IQSEC2: variants seen among roughly 807,000 people sequenced by gnomAD.
IQSEC2 encodes IQ motif and SEC7 domain-containing protein 2.
In IQSEC2, 6 loss-of-function variants were observed where a neutral mutation model predicts 74.6. That is an observed-to-expected ratio of 0.08 (90% CI 0.04 to 0.16). The LOEUF is 0.16. Ranked by LOEUF, IQSEC2 falls within the 10% of genes least tolerant of loss-of-function variation. The pLI is 1.00. For missense variants in IQSEC2, 734 were observed against 1,306.2 expected, an observed-to-expected ratio of 0.56 and a Z score of 6.75; for synonymous variants, 494 against 544.5, an observed-to-expected ratio of 0.91 and a Z score of 1.29.
chrX:53,262,891 G>A (rs1556866814), intron 2 of IQSEC2, among the ~76,000 whole-genome samples: 5 of 112,940 alleles, frequency 4.4e-5, no homozygotes, highest in African/African-American at 1.6e-4. Context: ...AACACTGCAA[G>A]GTTTGGGTTG....
chrX:53,256,503 C>T (rs1317437577), intron 2 of IQSEC2, among the ~76,000 whole-genome samples: 1 of 110,876 alleles, frequency 9.0e-6, no homozygotes, highest in East Asian at 2.9e-4. Context: ...CTGTGATTTC[C>T]CTCCCAGTCC....
At chrX:53,229,693 CA>C (rs1326947405), downstream of IQSEC2, 2 of 106,398 alleles carry the variant, frequency 1.9e-5, no homozygotes, top group Admixed American at 1.0e-4. Context: ...GACCCTGTCT[CA>C]AAAAAGAAAA....
At chrX:53,288,827 G>T (rs2075060444) in intron 2 of IQSEC2, among the ~76,000 whole-genome samples, 1 of 112,291 alleles carries the variant, frequency 8.9e-6, no homozygotes, top group Admixed American at 9.4e-5. Flanking sequence ...AGGCTCTGCT[G>T]CTAGCTAGCT....
intron 2 of IQSEC2, among the ~76,000 whole-genome samples, chrX:53,291,135 C>T (rs1437592145): frequency 1.8e-5 from 2 of 110,794 alleles, no homozygotes; most frequent in African/African-American, 6.6e-5. Flanking sequence ...TGAGCACCCC[C>T]ATCATTCCTA....
intron 1 of IQSEC2, among the ~76,000 whole-genome samples, chrX:53,311,964 C>T (rs1489461037): frequency 9.0e-6 from 1 of 111,390 alleles, no homozygotes; most frequent in Non-Finnish European, 1.9e-5. Context: ...CAGCAGAAAG[C>T]TCCTGACGCT....
chrX:53,248,332 A>G (rs2074338040), intron 6 of IQSEC2, 96 bp from the exon 7 acceptor site: 1 of 1,039,704 alleles, frequency 9.6e-7, no homozygotes, highest in African/African-American at 1.9e-5. Flanking sequence ...ACCCCCACTG[A>G]TAGACTCTCA....
In IQSEC2 at chrX:53,250,881, G is replaced by A. The variant is rs886044781; in HGVS notation, c.1695C>T (p.Asp565=). The part of the protein sequence containing the change: ...PPPVPSGTRE[D]GSREEGTRRG... ...TGCGAGTGCCTTCCTCACGGCTACC[G>A]TCTTCCCGGGTTCCTGATGGCACTG... Residue 565 remains aspartate (D), a synonymous_variant, in exon 5 of 15, where the codon GAC becomes GAT. Transcript: ENST00000642864. 6.6e-6 allele frequency: 8 copies of A among 1,208,496 alleles called. No individual in the cohort carries two copies. The Middle Eastern group carries it at 9.2e-4, about 139-fold the overall frequency.
At chrX:53,303,197 T>C (rs1312188352) in intron 1 of IQSEC2, among the ~76,000 whole-genome samples, 1 of 98,757 alleles carries the variant, frequency 1.0e-5, no homozygotes, top group Non-Finnish European at 2.0e-5. Flanking sequence ...AGTGAGACTC[T>C]GTCAAAAAAA....
chrX:53,262,533 C>T (rs1306724267), intron 2 of IQSEC2, among the ~76,000 whole-genome samples: 1 of 112,318 alleles, frequency 8.9e-6, no homozygotes, highest in African/African-American at 3.2e-5. Flanking sequence ...GGTCATTGCA[C>T]CTGGATGGGA....
At chrX:53,275,241 C>G (rs2074810137) in intron 2 of IQSEC2, among the ~76,000 whole-genome samples, 2 of 110,593 alleles carry the variant, frequency 1.8e-5, no homozygotes. Context: ...TCTCAGCTCA[C>G]TGCATCCTCC....
intron 1 of IQSEC2, among the ~76,000 whole-genome samples, chrX:53,312,049 A>G (rs1420466084): frequency 2.7e-5 from 3 of 111,571 alleles, no homozygotes; most frequent in Non-Finnish European, 5.7e-5. Flanking sequence ...TTTGTGCTCT[A>G]GTTTGTACTG....
At chrX:53,248,023 G>C in intron 7 of IQSEC2, 91 bp downstream of exon 7, 2 of 1,041,049 alleles carry the variant, frequency 1.9e-6, no homozygotes, top group South Asian at 2.0e-5. Flanking sequence ...GGTGAAGAAA[G>C]TATGAGGCTC....
rs1237249097 is a variant in IQSEC2 at position 53,320,472 on chromosome X, C to T, written c.652G>A (p.Gly218Ser). Residue 218 changes from glycine (G) to serine (S), a missense_variant, in exon 1 of 15, where the codon GGC becomes AGC. By Grantham distance (56) the Gly-to-Ser change is moderately conservative. This residue lies in a region of IQSEC2 where 134 missense variants were observed against 214.9 expected (regional missense o/e 0.62). Coordinates refer to ENST00000642864, the MANE Select transcript of IQSEC2 (RefSeq NM_001111125.3). ...CTGGTACTGGTGCTGTGGCCTCCGC[C>T]GGCGCCGGGACTGGAGCTCCTGGAT... ...GASRSSSPGA[G>S]GGHSTSTSTS... is the part of the protein sequence containing the mutation. 1 of 1,164,498 alleles carries T rather than the reference C, an allele frequency of 8.6e-7. No homozygotes were observed. The highest frequency in any genetic ancestry group is 1.8e-5 in the African/African-American group (1 of 55,862).
intron 1 of IQSEC2, among the ~76,000 whole-genome samples, chrX:53,293,052 G>A (rs1447706975): frequency 8.9e-6 from 1 of 112,108 alleles, no homozygotes; most frequent in Non-Finnish European, 1.9e-5. Context: ...CTTTAGTGAG[G>A]GGAGTGTCCA....
intron 1 of IQSEC2, among the ~76,000 whole-genome samples, chrX:53,306,974 T>C (rs781831214): frequency 5.5e-4 from 61 of 110,402 alleles, no homozygotes; most frequent in Non-Finnish European, 1.1e-3. Flanking sequence ...GGAAGGTAAG[T>C]ATATGACATC....
intron 2 of IQSEC2, among the ~76,000 whole-genome samples, chrX:53,264,218 T>C (rs1423817426): frequency 8.9e-6 from 1 of 112,113 alleles, no homozygotes; most frequent in East Asian, 2.8e-4. Context: ...TCTGCAGCAG[T>C]GTGCACAGTC....
At chrX:53,265,511 A>G (rs1405106104) in intron 2 of IQSEC2, among the ~76,000 whole-genome samples, 1 of 111,540 alleles carries the variant, frequency 9.0e-6, no homozygotes, top group African/African-American at 3.3e-5. Flanking sequence ...AAGCTCAAGG[A>G]GAAGAAAAAA....
chrX:53,316,854 G>GA (rs1370409581), intron 1 of IQSEC2, among the ~76,000 whole-genome samples: 1 of 105,140 alleles, frequency 9.5e-6, no homozygotes, highest in African/African-American at 3.5e-5. Context: ...AAAAGAAAAA[G>GA]AAAAAAAACA....
chrX:53,260,863 A>C (rs1204943705), intron 2 of IQSEC2, among the ~76,000 whole-genome samples: 1 of 111,799 alleles, frequency 8.9e-6, no homozygotes, highest in Non-Finnish European at 1.9e-5. Context: ...TCACATAGCT[A>C]TTAAGTAAAA....
Sources: allele counts gnomAD v4.1 joint callset (sites outside exome capture counted in the v4.1 genomes callset), GRCh38; gene constraint gnomAD v4.1.1; regional missense constraint gnomAD v4.1.1; transcripts MANE v1.5; gene names NCBI Gene and HGNC (gene_info 2026-07-23, HGNC 2026-07-21).